The following BCL2 variants were observed in gnomAD, a reference collection of about 807,000 sequenced individuals.
BCL2 encodes the protein apoptosis regulator Bcl-2.
Under a neutral mutation model 14.2 loss-of-function variants are expected in BCL2, and 1 was observed. That is an observed-to-expected ratio of 0.07 (90% CI 0.02 to 0.33). The LOEUF (loss-of-function observed/expected upper bound fraction) is 0.33. Ranked by LOEUF, BCL2 falls within the 10% of genes least tolerant of loss-of-function variation. BCL2 has a pLI of 0.99. For missense variants in BCL2, 247 were observed against 305.9 expected (o/e 0.81, Z 1.44); for synonymous variants, 151 against 137.2 (o/e 1.10, Z -0.70).
At position 63,212,686 on chromosome 18, in the gene BCL2, C is replaced by T. The variant is rs552557013; in HGVS notation, c.586-83927G>A. 2.6e-5 allele frequency among the ~76,000 whole-genome samples: 4 copies of T among 152,214 alleles called. No individual in the cohort carries two copies. In the South Asian group the frequency reaches 8.3e-4, roughly 32 times the overall value. The stretch of plus-strand genomic sequence containing the variant: ...GGTCAGGAGTTCGAGAGCAGCCTGG[C>T]CAACATGGTGAAATCCTGTCTCTAC... On this transcript the variant is annotated intron_variant, in intron 2 of 2. Coordinates refer to ENST00000333681, the MANE Select transcript of BCL2 (RefSeq NM_000633.3).
intron 2 of BCL2, among the ~76,000 whole-genome samples, chr18:63,156,798 C>G (rs1914795230): frequency 6.6e-6 from 1 of 152,196 alleles, no homozygotes; most frequent in African/African-American, 2.4e-5. Flanking sequence ...GGACTCCACA[C>G]CCAAAGCCCT....
chr18:63,192,079 C>T (rs1158248665), intron 2 of BCL2, among the ~76,000 whole-genome samples: 1 of 152,164 alleles, frequency 6.6e-6, no homozygotes, highest in East Asian at 1.9e-4. Flanking sequence ...TCCCTGCTTT[C>T]ATGGATCTCA....
chr18:63,215,948 T>C (rs1251829863), intron 2 of BCL2, among the ~76,000 whole-genome samples: 1 of 152,056 alleles, frequency 6.6e-6, no homozygotes, highest in Admixed American at 6.5e-5. Context: ...GAGAGAAATA[T>C]GAAAAGTCTT....
At chr18:63,155,718 A>G (rs925633893) in intron 2 of BCL2, among the ~76,000 whole-genome samples, 6 of 152,010 alleles carry the variant, frequency 3.9e-5, no homozygotes, top group Non-Finnish European at 7.4e-5. Context: ...TGGAGCGGGG[A>G]AGAGAGAGGG....
chr18:63,254,418 TG>T (rs1911410997), intron 2 of BCL2, among the ~76,000 whole-genome samples: 1 of 79,546 alleles, frequency 1.3e-5, no homozygotes, highest in Non-Finnish European at 2.6e-5. Context: ...AAGCTGGGTG[TG>T]GTGGTGCACT....
At chr18:63,280,748 T>C (rs1478134392) in intron 2 of BCL2, among the ~76,000 whole-genome samples, 1 of 152,170 alleles carries the variant, frequency 6.6e-6, no homozygotes, top group African/African-American at 2.4e-5. Flanking sequence ...TGTAAAATGG[T>C]GCAGCTTCTA....
chr18:63,139,945 C>T (rs1599203403), intron 2 of BCL2, among the ~76,000 whole-genome samples: 2 of 152,118 alleles, frequency 1.3e-5, no homozygotes, highest in African/African-American at 4.8e-5. Flanking sequence ...ATTATTATAA[C>T]TCAACAATAA....
intron 2 of BCL2, among the ~76,000 whole-genome samples, chr18:63,282,006 T>C (rs1303238497): frequency 6.6e-6 from 1 of 152,256 alleles, no homozygotes; most frequent in Non-Finnish European, 1.5e-5. Context: ...GGATTTCTTC[T>C]GGTCAAGACC....
intron 2 of BCL2, among the ~76,000 whole-genome samples, chr18:63,234,750 C>G (rs1239943038): frequency 6.6e-6 from 1 of 152,170 alleles, no homozygotes; most frequent in Non-Finnish European, 1.5e-5. Flanking sequence ...GCTGTGAGAC[C>G]TTAGTCAATT....
At chr18:63,138,133 G>C (rs539250213) in intron 2 of BCL2, among the ~76,000 whole-genome samples, 5 of 152,234 alleles carry the variant, frequency 3.3e-5, no homozygotes, top group Non-Finnish European at 7.3e-5. Flanking sequence ...CAGAAAGAGC[G>C]CTCCATGAAG....
intron 2 of BCL2, chr18:63,316,440 A>G (rs1245739614): frequency 1.3e-5 from 2 of 152,240 alleles, no homozygotes; most frequent in Non-Finnish European, 2.9e-5. Flanking sequence ...CTTTAGTTAT[A>G]GTGATTAAAA....
chr18:63,281,710 A>G (rs1400008037), intron 2 of BCL2, among the ~76,000 whole-genome samples: 1 of 149,488 alleles, frequency 6.7e-6, no homozygotes. Context: ...GAAAGAAAGA[A>G]AGAAAGAAAG....
chr18:63,255,504 A>G (rs1444991075), intron 2 of BCL2, among the ~76,000 whole-genome samples: 1 of 152,228 alleles, frequency 6.6e-6, no homozygotes, highest in African/African-American at 2.4e-5. Flanking sequence ...TTCAAAAAGT[A>G]AAGTGGCCTA....
intron 2 of BCL2, among the ~76,000 whole-genome samples, chr18:63,192,018 A>G (rs1267219710): frequency 3.9e-5 from 6 of 152,228 alleles, no homozygotes; most frequent in African/African-American, 1.4e-4. Context: ...TACTATGTGC[A>G]GGGTGCTCAC....
In BCL2 at chr18:63,125,967, G is replaced by C. The variant is rs1913900795; in HGVS notation, c.*2658C>G. 2 of 210,716 alleles carry C rather than the reference G, an allele frequency of 9.5e-6. No homozygotes were observed. Among genetic ancestry groups the C allele is most frequent in the Non-Finnish European group, 9.7e-6 (1 of 103,594 alleles). 13.1% of individuals were successfully genotyped at this position (210,716 alleles called of 1,614,324 possible). A position where few individuals can be genotyped will look rare whatever the true frequency, so the allele number is the denominator to read the frequency against. On this transcript the variant is annotated 3_prime_UTR_variant, in exon 3 of 3. Coordinates refer to ENST00000333681, the MANE Select transcript of BCL2 (RefSeq NM_000633.3). ...GAATCCCGTTTGAACAACAACAAAA[G>C]ACAAAACAGGCTTTATATTAAAAAC...
chr18:63,244,198 T>C lies in BCL2; in HGVS notation c.585+73884A>G, dbSNP rs1426489033. On this transcript the variant is annotated intron_variant, in intron 2 of 2. Coordinates refer to ENST00000333681, the MANE Select transcript of BCL2 (RefSeq NM_000633.3). ...TTCAAGACTGGCCTGGCCAAGATGGTGAAACCCTGTCTCTACCAAAAATAC... is the reference window on the plus strand; with the variant it reads ...TTCAAGACTGGCCTGGCCAAGATGGCGAAACCCTGTCTCTACCAAAAATAC... 2.6e-5 allele frequency among the ~76,000 whole-genome samples: 4 copies of C among 152,182 alleles called. No homozygotes were observed. In the East Asian group the frequency reaches 5.8e-4, roughly 22 times the overall value.
At chr18:63,294,216 G>T (rs143100595) in intron 2 of BCL2, among the ~76,000 whole-genome samples, 1 of 151,934 alleles carries the variant, frequency 6.6e-6, no homozygotes, top group Admixed American at 6.6e-5. Flanking sequence ...CAGACTTCTC[G>T]GTGCTAAGCA....
intron 2 of BCL2, among the ~76,000 whole-genome samples, chr18:63,237,196 C>A (rs1008964050): frequency 6.6e-6 from 1 of 152,086 alleles, no homozygotes; most frequent in Non-Finnish European, 1.5e-5. Context: ...GAGAGAGGCC[C>A]ATTTTAAGGA....
rs1915332955 is a variant in BCL2, at chr18:63,175,562, G to A, written c.586-46803C>T. ...TGGTGCTAAACCTGTTTTACCAATG[G>A]ATTTAAGAAGGAACCCAAAGTGTGA... is the stretch of plus-strand genomic sequence containing the variant. On this transcript the variant is annotated intron_variant, in intron 2 of 2. Coordinates refer to ENST00000333681, the MANE Select transcript of BCL2 (RefSeq NM_000633.3). Among the ~76,000 whole-genome samples the A allele has an allele frequency of 3.3e-5, 5 of 152,318 alleles. No individual in the cohort carries two copies. The South Asian group carries it at 1.0e-3, about 32-fold the overall frequency.
Sources: gnomAD v4.1 joint callset for allele counts (sites outside exome capture counted in the v4.1 genomes callset) on GRCh38, gnomAD v4.1.1 for gene constraint, MANE v1.5 for transcripts, NCBI Gene and HGNC (gene_info 2026-07-23, HGNC 2026-07-21) for gene names.